SGTA: variants seen among roughly 807,000 people sequenced by gnomAD.
The protein encoded by SGTA is small glutamine rich tetratricopeptide repeat co-chaperone alpha.
A neutral mutation model predicts 44.3 loss-of-function variants in SGTA; 22 were observed. That is an observed-to-expected ratio of 0.50 (90% CI 0.36 to 0.71). The LOEUF (loss-of-function observed/expected upper bound fraction) is 0.71. Ranked by LOEUF, SGTA falls within the 30% of genes least tolerant of loss-of-function variation. The probability of loss-of-function intolerance (pLI) is 0.00; values close to 1 mark genes in which losing one functional copy is unlikely to be tolerated. For missense variants in SGTA, 341 were observed against 435.9 expected, an observed-to-expected ratio of 0.78 and a Z score of 1.94; for synonymous variants, 174 against 177.6, an observed-to-expected ratio of 0.98 and a Z score of 0.16.
rs1915240131 is a variant in SGTA at position 2,769,521 on chromosome 19, TGA to T, written c.-23-432_-23-431del. Among the ~76,000 whole-genome samples the T allele has an allele frequency of 2.6e-5, 4 of 152,322 alleles. No individual in the cohort carries two copies. The South Asian group carries it at 6.2e-4, about 24-fold the overall frequency. ...GATCCAGCCCCAATGTCCACAGTGC[TGA>T]GAGGGAGAGACCTTGTCCTCAGCCA... is the stretch of plus-strand genomic sequence containing the variant. On this transcript the variant is annotated intron_variant, in intron 1 of 11. Transcript: ENST00000221566.
Position 2,763,899 on chromosome 19 carries a change from G to A in SGTA, c.393-142C>T, listed in dbSNP as rs1464937595. On this transcript the variant is annotated intron_variant, in intron 5 of 11. Coordinates refer to ENST00000221566, the MANE Select transcript of SGTA (RefSeq NM_003021.4). This position sits in a 1 kb window ranked among gnomAD's most constrained non-coding sequence, Gnocchi z 5.8. ...TTTTCCCCATCTGTAAAATGGGGCT[G>A]ATGGGGAAAGCTGAGAGGTGTGGCC... is the stretch of plus-strand genomic sequence containing the variant. 3.1e-6 allele frequency: 2 copies of A among 638,626 alleles called. No homozygotes were observed. The highest frequency in any genetic ancestry group is 5.4e-6 in the Non-Finnish European group (2 of 368,546). The allele number at this position is 638,626 out of a possible 1,614,324, so 39.6% of individuals were successfully genotyped here.
chr19:2,755,426 C>T lies in SGTA; in HGVS notation c.*514G>A. The T allele has an allele frequency of 1.0e-6, 1 of 987,710 alleles. No individual in the cohort carries two copies. The highest frequency in any genetic ancestry group is 1.2e-6 in the Non-Finnish European group (1 of 830,202). The allele number at this position is 987,710 out of a possible 1,614,324, so 61.2% of individuals were successfully genotyped here. Reference sequence around the variant, plus strand: ...GCAAACACACATGGCCCGCGGTGCCCAGGCCGCAGCTGGCAGTGAGCTCTT... The same window carrying T: ...GCAAACACACATGGCCCGCGGTGCCTAGGCCGCAGCTGGCAGTGAGCTCTT... On this transcript the variant is annotated 3_prime_UTR_variant, in exon 12 of 12. Coordinates refer to ENST00000221566, the MANE Select transcript of SGTA (RefSeq NM_003021.4). This position sits in a 1 kb window ranked among gnomAD's most constrained non-coding sequence, Gnocchi z 5.2.
chr19:2,778,497 GC>G (rs34899623), intron 1 of SGTA, among the ~76,000 whole-genome samples: 7 of 149,554 alleles, frequency 4.7e-5, no homozygotes, highest in African/African-American at 9.9e-5. Context: ...CTGGAACACC[GC>G]CCCCCCCGGC....
At chr19:2,756,428 C>G (rs1473177875) in intron 11 of SGTA, among the ~76,000 whole-genome samples, 1 of 149,576 alleles carries the variant, frequency 6.7e-6, no homozygotes, top group East Asian at 1.9e-4. Flanking sequence ...TGCCCTCCAG[C>G]CGGGGGGACA....
chr19:2,779,519 C>T (rs1419877688), intron 1 of SGTA, among the ~76,000 whole-genome samples: 2 of 152,214 alleles, frequency 1.3e-5, no homozygotes, highest in Non-Finnish European at 1.5e-5. Flanking sequence ...ACAATCACAA[C>T]TTGTAGGGTT....
intron 1 of SGTA, among the ~76,000 whole-genome samples, chr19:2,779,005 T>C (rs755229138): frequency 5.3e-4 from 81 of 152,230 alleles, no homozygotes; most frequent in African/African-American, 1.9e-3. Flanking sequence ...TGGATGATTC[T>C]GTCCTGCGCA....
chr19:2,775,175 G>GT (rs1302002765), intron 1 of SGTA, among the ~76,000 whole-genome samples: 1 of 152,258 alleles, frequency 6.6e-6, no homozygotes, highest in African/African-American at 2.4e-5. Context: ...GGGGATGGAG[G>GT]TGTTCACTCA....
intron 7 of SGTA, 46 bp downstream of exon 7, chr19:2,762,460 A>C (rs200818381): frequency 6.4e-7 from 1 of 1,552,864 alleles, no homozygotes; most frequent in Non-Finnish European, 8.9e-7. Context: ...CCCCACCCAC[A>C]CAGTCAGCTC....
At chr19:2,774,646 G>T (rs2144738182) in intron 1 of SGTA, among the ~76,000 whole-genome samples, 1 of 152,224 alleles carries the variant, frequency 6.6e-6, no homozygotes, top group Non-Finnish European at 1.5e-5. Flanking sequence ...ACCTACCTGA[G>T]CACTTCGCAG....
At position 2,757,720 on chromosome 19, in the gene SGTA, T is replaced by C; in HGVS notation, c.800A>G (p.Gln267Arg). ...CTGGATGAGGCTGGCCAGGTCGTTC[T>C]GCGAGGGGCTGGTGCCGGGAGTTCC... is the stretch of plus-strand genomic sequence containing the variant. ...PLGTPGTSPS[Q>R]NDLASLIQAG... Residue 267 changes from glutamine to arginine, a missense_variant, in exon 10 of 12, where the codon CAG (glutamine) becomes CGG (arginine). Coordinates refer to ENST00000221566, the MANE Select transcript of SGTA (RefSeq NM_003021.4). 6.3e-7 allele frequency: 1 copy of C among 1,599,704 alleles called. No homozygotes were observed. Among genetic ancestry groups the C allele is most frequent in the Non-Finnish European group, 8.5e-7 (1 of 1,173,750 alleles).
Position 2,755,353 on chromosome 19 carries a change from G to A in SGTA, c.*587C>T, listed in dbSNP as rs915525492. On this transcript the variant is annotated 3_prime_UTR_variant, in exon 12 of 12. Coordinates refer to ENST00000221566, the MANE Select transcript of SGTA (RefSeq NM_003021.4). The surrounding 1 kb of genome is among the most constrained non-coding windows in gnomAD (Gnocchi z 5.2). ...CGGCTCCTGAGCCGCGGAGGCGTGGGGTGACCGCAGCCGTCTCTTAGGTGT... is the reference window on the plus strand; with the variant it reads ...CGGCTCCTGAGCCGCGGAGGCGTGGAGTGACCGCAGCCGTCTCTTAGGTGT... 9.9e-5 allele frequency: 96 copies of A among 972,330 alleles called. No individual in the cohort carries two copies. In the African/African-American group the frequency reaches 1.6e-3, roughly 16 times the overall value. 60.2% of individuals were successfully genotyped at this position (972,330 alleles called of 1,614,324 possible). A position where few individuals can be genotyped will look rare whatever the true frequency, so the allele number is the denominator to read the frequency against.
intron 11 of SGTA, among the ~76,000 whole-genome samples, chr19:2,756,628 G>A (rs553142645): frequency 5.3e-5 from 8 of 152,174 alleles, no homozygotes; most frequent in African/African-American, 9.6e-5. Flanking sequence ...GGGGAGGCCC[G>A]GAGCCTCCCG....
intron 5 of SGTA, among the ~76,000 whole-genome samples, chr19:2,764,903 G>A (rs1915097320): frequency 6.6e-6 from 1 of 152,128 alleles, no homozygotes; most frequent in African/African-American, 2.4e-5. Context: ...AGAGACGGGG[G>A]TCTTGATATG....
chr19:2,769,832 C>T (rs1319390577), intron 1 of SGTA, among the ~76,000 whole-genome samples: 4 of 132,274 alleles, frequency 3.0e-5, no homozygotes, highest in South Asian at 2.7e-4. Flanking sequence ...GTTCCCCCAG[C>T]GGACACCCTC....
chr19:2,758,600 G>A (rs900392979), intron 9 of SGTA, among the ~76,000 whole-genome samples: 1 of 152,176 alleles, frequency 6.6e-6, no homozygotes, highest in Non-Finnish European at 1.5e-5. Context: ...GCTTACTGGG[G>A]AGTGACCCTA....
chr19:2,762,296 C>T (rs1489807435), intron 7 of SGTA, among the ~76,000 whole-genome samples: 1 of 152,198 alleles, frequency 6.6e-6, no homozygotes, highest in Admixed American at 6.5e-5. Context: ...GGCAGCCCTG[C>T]GGCCGGCCTC....
chr19:2,762,731 A>G, intron 6 of SGTA, 87 bp from the exon 7 acceptor site: 1 of 1,510,936 alleles, frequency 6.6e-7, no homozygotes, highest in Non-Finnish European at 9.1e-7. Flanking sequence ...CGGTCCTGGC[A>G]ACCCCCAAAC....
At chr19:2,776,991 A>C (rs1280082067) in intron 1 of SGTA, among the ~76,000 whole-genome samples, 2 of 150,148 alleles carry the variant, frequency 1.3e-5, no homozygotes, top group African/African-American at 4.9e-5. Flanking sequence ...GGTCGGGCAC[A>C]GTGGCTCATG....
chr19:2,776,754 A>C (rs1423303397), intron 1 of SGTA, among the ~76,000 whole-genome samples: 1 of 152,180 alleles, frequency 6.6e-6, no homozygotes, highest in Non-Finnish European at 1.5e-5. Flanking sequence ...GGATCACCTG[A>C]GGTCAGGAGT....
Sources: gnomAD v4.1 joint callset for allele counts (sites outside exome capture counted in the v4.1 genomes callset) on GRCh38, gnomAD v4.1.1 for gene constraint, Gnocchi (gnomAD v3.1) non-coding constraint, MANE v1.5 for transcripts, NCBI Gene and HGNC (gene_info 2026-07-23, HGNC 2026-07-21) for gene names.